Variants in AGBL1 observed in about 807,000 individuals in gnomAD.
AGBL1 encodes the protein cytosolic carboxypeptidase 4.
AGBL1 carries 130 observed loss-of-function variants against 118.9 expected under a neutral mutation model. The ratio of observed to expected loss-of-function variants is 1.09; its 90% CI spans 0.95 to 1.26. AGBL1 has a LOEUF of 1.26. Ranked by LOEUF, AGBL1 falls within the 50% of genes most tolerant of loss-of-function variation. AGBL1 has a pLI of 0.00. For synonymous variants in AGBL1, 555 were observed against 478.9 expected (o/e 1.16, Z -2.08); for missense variants, 1,584 against 1,298.1 (o/e 1.22, Z -3.38).
At chr15:86,434,605 C>G (rs564278625) in intron 18 of AGBL1, among the ~76,000 whole-genome samples, 1 of 152,292 alleles carries the variant, frequency 6.6e-6, no homozygotes, top group Admixed American at 6.5e-5. Context: ...AACATTTAAG[C>G]GCTAAGAATA....
intron 22 of AGBL1, among the ~76,000 whole-genome samples, chr15:86,853,186 G>T (rs1357882536): frequency 6.6e-6 from 1 of 152,130 alleles, no homozygotes; most frequent in Non-Finnish European, 1.5e-5. Context: ...AGAAAACAAA[G>T]ATTTATTTCT....
At chr15:86,965,841 C>T (rs143107876) in intron 23 of AGBL1, among the ~76,000 whole-genome samples, 4,721 of 151,966 alleles carry the variant, frequency 0.031, 263 homozygotes, top group African/African-American at 0.11. Context: ...CATCACACAC[C>T]GGGGCCTGTC....
chr15:86,100,313 G>A (rs1332146721), intron 1 of AGBL1, among the ~76,000 whole-genome samples: 1 of 152,090 alleles, frequency 6.6e-6, no homozygotes, highest in Non-Finnish European at 1.5e-5. Flanking sequence ...TCTTTGTCAG[G>A]TTTTAGTATC....
At chr15:86,969,354 G>C (rs886431068) in intron 23 of AGBL1, among the ~76,000 whole-genome samples, 1 of 151,658 alleles carries the variant, frequency 6.6e-6, no homozygotes, top group African/African-American at 2.4e-5. Context: ...CTTCCAACTT[G>C]AGTTGTTGCA....
chr15:86,751,420 C>T lies in AGBL1; in HGVS notation c.3158+76984C>T, dbSNP rs28436012. Among the ~76,000 whole-genome samples the T allele has an allele frequency of 5.6e-3, 850 of 152,134 alleles. 10 individuals are homozygous for T. The highest frequency in any genetic ancestry group is 0.02 in the African/African-American group (811 of 41,540). ...TTAAACATAAAACCCCAAACAATAA[C>T]AACTCTGGAAGACAACCTAGGCCAT... is the stretch of plus-strand genomic sequence containing the variant. On this transcript the variant is annotated intron_variant, in intron 22 of 22. Coordinates refer to ENST00000614907, the MANE Select transcript of AGBL1 (RefSeq NM_001386094.1).
chr15:86,596,684 C>T (rs896913068), intron 21 of AGBL1, among the ~76,000 whole-genome samples: 1 of 152,102 alleles, frequency 6.6e-6, no homozygotes, highest in Non-Finnish European at 1.5e-5. Context: ...CCTACCGTGA[C>T]TGTCTTGTCA....
At chr15:86,697,660 C>A (rs1467278220) in intron 22 of AGBL1, among the ~76,000 whole-genome samples, 1 of 151,610 alleles carries the variant, frequency 6.6e-6, no homozygotes, top group Non-Finnish European at 1.5e-5. Context: ...GTTAAAGAAC[C>A]TTGTTTTGTC....
intron 1 of AGBL1, among the ~76,000 whole-genome samples, chr15:86,125,694 C>A (rs1042405443): frequency 2.0e-5 from 3 of 152,196 alleles, no homozygotes; most frequent in Admixed American, 1.3e-4. Context: ...TCAACCTAGG[C>A]AGGGATCTCT....
chr15:86,924,600 A>T, intron 23 of AGBL1, among the ~76,000 whole-genome samples: 1 of 152,140 alleles, frequency 6.6e-6, no homozygotes, highest in East Asian at 1.9e-4. Flanking sequence ...CAGCTCTGAA[A>T]CCTATAATCT....
intron 17 of AGBL1, among the ~76,000 whole-genome samples, chr15:86,338,936 T>C (rs2080417493): frequency 6.6e-6 from 1 of 152,184 alleles, no homozygotes; most frequent in African/African-American, 2.4e-5. Flanking sequence ...AAGTTGAGGA[T>C]GTAACCCTCT....
At chr15:86,784,313 G>T (rs2078375642) in intron 22 of AGBL1, among the ~76,000 whole-genome samples, 2 of 152,162 alleles carry the variant, frequency 1.3e-5, no homozygotes, top group African/African-American at 4.8e-5. Flanking sequence ...TAGCCAGAAA[G>T]ATAATTTGCT....
intron 22 of AGBL1, among the ~76,000 whole-genome samples, chr15:86,715,710 A>T (rs1400481998): frequency 1.3e-5 from 2 of 152,154 alleles, no homozygotes; most frequent in African/African-American, 4.8e-5. Context: ...ATGAAGGAAA[A>T]GCACAGGGAA....
intron 17 of AGBL1, among the ~76,000 whole-genome samples, chr15:86,362,213 G>A (rs936429101): frequency 6.6e-6 from 1 of 151,460 alleles, no homozygotes; most frequent in Non-Finnish European, 1.5e-5. Context: ...CACATTTTAT[G>A]TTATTGAAGT....
chr15:86,583,876 A>G (rs538632255), intron 21 of AGBL1, among the ~76,000 whole-genome samples: 5 of 152,162 alleles, frequency 3.3e-5, no homozygotes, highest in African/African-American at 1.2e-4. Flanking sequence ...TTAAAATTAT[A>G]GTTATTCTGA....
intron 4 of AGBL1, among the ~76,000 whole-genome samples, chr15:86,155,339 A>G (rs1020690222): frequency 1.3e-5 from 2 of 152,156 alleles, no homozygotes; most frequent in South Asian, 2.1e-4. Flanking sequence ...AGTCCCAGCT[A>G]CTTGGAAGGC....
At chr15:86,838,044 T>G (rs890721405) in intron 22 of AGBL1, among the ~76,000 whole-genome samples, 32 of 152,196 alleles carry the variant, frequency 2.1e-4, no homozygotes, top group African/African-American at 7.5e-4. Context: ...CACCTAGTTT[T>G]TGGGTCCTGA....
chr15:86,944,250 G>C (rs904342166), intron 23 of AGBL1, among the ~76,000 whole-genome samples: 2 of 151,952 alleles, frequency 1.3e-5, no homozygotes, highest in East Asian at 3.9e-4. Flanking sequence ...CATGCCTGTA[G>C]TCCCAGCTAC....
intron 5 of AGBL1, among the ~76,000 whole-genome samples, chr15:86,212,056 A>G (rs1003544435): frequency 6.6e-6 from 1 of 152,188 alleles, no homozygotes; most frequent in African/African-American, 2.4e-5. Context: ...TTTGTAGTAC[A>G]CCTTCTATGT....
intron 5 of AGBL1, among the ~76,000 whole-genome samples, chr15:86,219,416 A>G (rs1055026440): frequency 2.0e-5 from 3 of 152,210 alleles, no homozygotes; most frequent in African/African-American, 7.2e-5. Context: ...ATTTTACTTT[A>G]TCTCACTCTT....
Sources: allele counts gnomAD v4.1 joint callset (sites outside exome capture counted in the v4.1 genomes callset), GRCh38; gene constraint gnomAD v4.1.1; transcripts MANE v1.5; gene names NCBI Gene and HGNC (gene_info 2026-07-23, HGNC 2026-07-21).